Variants in PKD1 observed in about 807,000 individuals in gnomAD.
PKD1 encodes polycystin 1, transient receptor potential channel interacting.
A neutral mutation model predicts 361.7 loss-of-function variants in PKD1; 81 were observed. The observed-to-expected ratio is 0.22, with a 90% CI of 0.19 to 0.27. The LOEUF (loss-of-function observed/expected upper bound fraction) is 0.27, where lower values mean the gene tolerates loss of function less well. Among genes scored for constraint, PKD1 ranks in the 10% least tolerant of loss-of-function variants. The pLI is 1.00. For synonymous variants in PKD1, 3,615 were observed against 2,818.3 expected, an observed-to-expected ratio of 1.28 and a Z score of -8.95; for missense variants, 6,399 against 6,118.3, an observed-to-expected ratio of 1.05 and a Z score of -1.53.
At chr16:2,133,247 C>T (rs1163630616) in intron 1 of PKD1, 2 of 148,940 alleles carry the variant, frequency 1.3e-5, no homozygotes, top group Non-Finnish European at 3.0e-5. Flanking sequence ...TTGCAGTACG[C>T]CATCTTTTCC....
chr16:2,128,764 G>C (rs2092829911), intron 1 of PKD1, among the ~76,000 whole-genome samples: 1 of 152,080 alleles, frequency 6.6e-6, no homozygotes. Flanking sequence ...GAGTGCAATG[G>C]TGCAATCTTG....
At position 2,110,997 on chromosome 16, in the gene PKD1, C is replaced by T; in HGVS notation, c.4170G>A (p.Gln1390=). ...VGNVTLQPER[Q]FVQLGDEAWL... The stretch of plus-strand genomic sequence containing the variant: ...AGGCCTCGTCCCCGAGCTGCACAAA[C>T]TGCCTCTCTGGCTGCAGGGTGACGT... The change falls in exon 15 of 46, where the codon CAG becomes CAA. Residue 1390 remains glutamine (Q), a synonymous_variant. Transcript: ENST00000262304. 1.2e-6 allele frequency: 2 copies of T among 1,610,648 alleles called. No homozygotes were observed. Among genetic ancestry groups the T allele is most frequent in the Non-Finnish European group, 1.7e-6 (2 of 1,179,754 alleles).
At position 2,088,730 on chromosome 16, in the gene PKD1, T is replaced by TTGAC. The variant is rs1447448818; in HGVS notation, c.*993_*996dup. The stretch of plus-strand genomic sequence containing the variant: ...AGATTGCAGTCAGACAGCTCTTTTA[T>TTGAC]TGACTTTGTCTGCTTGGTGCGGGGG... On this transcript the variant is annotated 3_prime_UTR_variant, in exon 46 of 46. Coordinates refer to ENST00000262304, the MANE Select transcript of PKD1 (RefSeq NM_001009944.3). 1.2e-5 allele frequency: 16 copies of TTGAC among 1,375,350 alleles called. No homozygotes were observed. The South Asian group carries it at 1.7e-4, about 15-fold the overall frequency. The allele number at this position is 1,375,350 out of a possible 1,614,324, so 85.2% of individuals were successfully genotyped here.
chr16:2,118,055 C>G lies in PKD1; in HGVS notation c.937G>C (p.Glu313Gln), dbSNP rs769788441. The change falls in exon 5 of 46, where the codon GAG becomes CAG. Residue 313 changes from glutamate (E) to glutamine (Q), a missense_variant. Transcript: ENST00000262304. This position sits in a 1 kb window ranked among gnomAD's most constrained non-coding sequence, Gnocchi z 6.0. Reference sequence around the variant, plus strand: ...GCAGCCGGCCCAGCGGCATCCACCTCGGCGGAGCCGTCTCCGAAGTCCCAG... The same window carrying G: ...GCAGCCGGCCCAGCGGCATCCACCTGGGCGGAGCCGTCTCCGAAGTCCCAG... ...TRWDFGDGSA[E>Q]VDAAGPAASH... 6.2e-6 allele frequency: 10 copies of G among 1,604,724 alleles called. No homozygotes were observed. Among genetic ancestry groups the G allele is most frequent in the Non-Finnish European group, 7.6e-6 (9 of 1,179,302 alleles).
In PKD1 at chr16:2,090,983, G is replaced by C. The variant is rs1458447193; in HGVS notation, c.11904C>G (p.Arg3968=). The C allele has an allele frequency of 1.3e-6, 2 of 1,537,150 alleles. No individual in the cohort carries two copies. Among genetic ancestry groups the C allele is most frequent in the South Asian group, 2.4e-5 (2 of 84,598 alleles). ...AGCTAGTGAAGCGGCGCGGGCGGCC[G>C]CGCACGAAACGGGTCCACTGGCGGT... ...AADRQWTRFV[R]GRPRRFTSFD... is the part of the protein sequence containing the mutation. The change falls in exon 43 of 46, where the codon CGC becomes CGG. Residue 3968 remains arginine (R), a synonymous_variant. Coordinates refer to ENST00000262304, the MANE Select transcript of PKD1 (RefSeq NM_001009944.3).
intron 1 of PKD1, chr16:2,135,236 G>A (rs1174089241): frequency 4.1e-6 from 4 of 985,126 alleles, no homozygotes; most frequent in African/African-American, 1.7e-5. Flanking sequence ...CGCCCCCGCT[G>A]GCGTCTGCAG....
chr16:2,126,675 A>G (rs1020898908), intron 1 of PKD1, among the ~76,000 whole-genome samples: 5 of 152,270 alleles, frequency 3.3e-5, no homozygotes, highest in East Asian at 1.9e-4. Flanking sequence ...AGGCCCAGAC[A>G]GCAGCGGGAT....
At chr16:2,107,725 G>C in intron 16 of PKD1, 158 bp downstream of exon 16, 1 of 723,574 alleles carries the variant, frequency 1.4e-6, no homozygotes. Flanking sequence ...TTGGAAGGAA[G>C]CAAAGCTGAA....
At position 2,102,572 on chromosome 16, in the gene PKD1, G is replaced by C. The variant is rs2092139894; in HGVS notation, c.9010C>G (p.Leu3004Val). 6.2e-7 allele frequency: 1 copy of C among 1,611,122 alleles called. No homozygotes were observed. Among genetic ancestry groups the C allele is most frequent in the African/African-American group, 1.3e-5 (1 of 75,014 alleles). Residue 3004 changes from leucine to valine, a missense_variant, in exon 25 of 46, where the codon CTG becomes GTG. By Grantham distance (32) the Leu-to-Val change is conservative. Transcript: ENST00000262304. ...GTGTACAGGCCCACGGACACCTGCA[G>C]CGCCGACCAGCGGAAGTGGCTGGAG... Reference protein sequence around the residue: ...NLSSHFRWSALQVSVGLYTSL... With the variant: ...NLSSHFRWSAVQVSVGLYTSL...
chr16:2,098,990 CCAGCT>C (rs1457273879), intron 30 of PKD1: 1 of 165,950 alleles, frequency 6.0e-6, no homozygotes, highest in Non-Finnish European at 1.3e-5. Flanking sequence ...GCCACCATGC[CCAGCT>C]AAGTTTTTGT....
rs756729989 is a variant in PKD1 at position 2,108,692 on chromosome 16, C to T, written c.6475G>A (p.Val2159Met). The T allele has an allele frequency of 1.3e-6, 2 of 1,569,714 alleles. No individual in the cohort carries two copies. Residue 2159 changes from valine (V) to methionine (M), a missense_variant, in exon 15 of 46, where the codon GTG becomes ATG. Physicochemically the swap from Val to Met is conservative, Grantham distance 21 (BLOSUM62 1). Transcript: ENST00000262304. ...PEVDVVLPLQ[V>M]LMRRSQRNYL... ...TTGCGCTGTGATCGCCGCATCAGCA[C>T]CTGCAGGGGCAGGACCACGTCCACC... is the stretch of plus-strand genomic sequence containing the variant.
rs375653663 is a variant in PKD1 at position 2,090,503 on chromosome 16, G to C, written c.12226C>G (p.Pro4076Ala). The stretch of plus-strand genomic sequence containing the variant: ...GGTGACAGGTGCCAGGACTCGGCAG[G>C]ACACAGGGTAGAGAGCCCAGTCCCA... ...CPGTGLSTLCPAESWHLSPLL... is the reference protein window; with the variant it reads ...CPGTGLSTLCAAESWHLSPLL... Residue 4076 changes from proline (P) to alanine (A), a missense_variant, in exon 45 of 46, where the codon CCT becomes GCT. Coordinates refer to ENST00000262304, the MANE Select transcript of PKD1 (RefSeq NM_001009944.3). 5 of 1,611,490 alleles carry C rather than the reference G, an allele frequency of 3.1e-6. No homozygotes were observed. Among genetic ancestry groups the C allele is most frequent in the Non-Finnish European group, 4.2e-6 (5 of 1,179,620 alleles).
intron 22 of PKD1, 35 bp downstream of exon 22, chr16:2,104,463 G>C (rs774188374): frequency 6.8e-7 from 1 of 1,480,260 alleles, no homozygotes; most frequent in Non-Finnish European, 9.1e-7. Context: ...GGCCGCACGG[G>C]GCGGGCGGGT....
intron 34 of PKD1, among the ~76,000 whole-genome samples, chr16:2,095,933 G>A (rs1348301604): frequency 1.3e-5 from 2 of 152,178 alleles, no homozygotes; most frequent in Non-Finnish European, 2.9e-5. Flanking sequence ...AAACCAACCA[G>A]CAATTTATTC....
In PKD1 at chr16:2,106,966, T is replaced by C; in HGVS notation, c.7066-18A>G. ...ATCAGCACCTGGCGTGGGAGTGGGG[T>C]TACCTCCAACACAGGTCTATTTGGC... On this transcript the variant is annotated intron_variant, in intron 16 of 45. Coordinates refer to ENST00000262304, the MANE Select transcript of PKD1 (RefSeq NM_001009944.3). The surrounding 1 kb of genome is among the most constrained non-coding windows in gnomAD (Gnocchi z 6.5). 6.3e-7 allele frequency: 1 copy of C among 1,581,594 alleles called. No individual in the cohort carries two copies. The highest frequency in any genetic ancestry group is 8.6e-7 in the Non-Finnish European group (1 of 1,168,360).
At chr16:2,107,638 G>T in intron 16 of PKD1, 2 of 592,190 alleles carry the variant, frequency 3.4e-6, no homozygotes, top group Non-Finnish European at 6.2e-6. Context: ...CTCACTGTTG[G>T]TATTGCTAGG....
Position 2,089,014 on chromosome 16 carries a change from C to G in PKD1, c.*713G>C. ...CTTGCCCAGACCTGATGCCAGCAGG[C>G]CTGGGCGCTGCTCTCTTGCTACCTG... On this transcript the variant is annotated 3_prime_UTR_variant, in exon 46 of 46. Coordinates refer to ENST00000262304, the MANE Select transcript of PKD1 (RefSeq NM_001009944.3). The G allele has an allele frequency of 4.4e-6, 1 of 226,604 alleles. No individual in the cohort carries two copies. The highest frequency in any genetic ancestry group is 6.8e-5 in the South Asian group (1 of 14,640). 14.0% of individuals were successfully genotyped at this position (226,604 alleles called of 1,614,324 possible). A position where few individuals can be genotyped will look rare whatever the true frequency, so the allele number is the denominator to read the frequency against.
intron 39 of PKD1, 118 bp from the exon 40 acceptor site, chr16:2,092,306 G>T: frequency 1.7e-6 from 2 of 1,176,314 alleles, no homozygotes; most frequent in Non-Finnish European, 2.4e-6. Context: ...AACCCTCCCA[G>T]CAGCCATCAA....
In PKD1 at chr16:2,109,988, G is replaced by C. The variant is rs755670331; in HGVS notation, c.5179C>G (p.Pro1727Ala). 12 of 1,609,882 alleles carry C rather than the reference G, an allele frequency of 7.5e-6. No individual in the cohort carries two copies. In the South Asian group the frequency reaches 7.7e-5, roughly 10 times the overall value. ...CTTGTGTTGACGGCAGCTGGGTTCG[G>C]GGAGGCGGCCACCATCAGCCACCCC... ...PVGWLMVAAS[P>A]NPAAVNTSVT... The change falls in exon 15 of 46, where the codon CCG (proline) becomes GCG (alanine). Residue 1727 changes from proline (P) to alanine (A), a missense_variant. Transcript: ENST00000262304.
Sources: allele counts gnomAD v4.1 joint callset (sites outside exome capture counted in the v4.1 genomes callset), GRCh38; gene constraint gnomAD v4.1.1; non-coding constraint Gnocchi (gnomAD v3.1); transcripts MANE v1.5; gene names NCBI Gene and HGNC (gene_info 2026-07-23, HGNC 2026-07-21).